The following DNER variants were observed in gnomAD, a reference collection of about 807,000 sequenced individuals.
DNER encodes delta and Notch-like epidermal growth factor-related receptor.
DNER carries 33 observed loss-of-function variants against 78.2 expected under a neutral mutation model. The ratio of observed to expected loss-of-function variants is 0.42; its 90% CI spans 0.32 to 0.56. DNER has a LOEUF of 0.56. Among genes scored for constraint, DNER ranks in the 20% least tolerant of loss-of-function variants. The pLI, the probability that DNER is intolerant of heterozygous loss-of-function variation, is 0.11. For missense variants in DNER, 918 were observed against 975.3 expected, an observed-to-expected ratio of 0.94 and a Z score of 0.78; for synonymous variants, 417 against 384.8, an observed-to-expected ratio of 1.08 and a Z score of -0.98.
intron 1 of DNER, among the ~76,000 whole-genome samples, chr2:229,641,706 A>T (rs1458793557): frequency 6.6e-6 from 1 of 152,230 alleles, no homozygotes; most frequent in Non-Finnish European, 1.5e-5. Flanking sequence ...GCTAATGAAT[A>T]GACTTCCAAG....
At chr2:229,625,336 C>T (rs1304217649) in intron 1 of DNER, among the ~76,000 whole-genome samples, 1 of 152,162 alleles carries the variant, frequency 6.6e-6, no homozygotes, top group Non-Finnish European at 1.5e-5. Context: ...CACACTTTCC[C>T]TTCTGACACC....
At chr2:229,504,097 C>T (rs1446132932) in intron 6 of DNER, among the ~76,000 whole-genome samples, 2 of 152,106 alleles carry the variant, frequency 1.3e-5, no homozygotes, top group African/African-American at 4.8e-5. Context: ...CAGGAGATGG[C>T]CTGTGGTGAC....
intron 5 of DNER, among the ~76,000 whole-genome samples, chr2:229,514,627 AAT>A (rs762508425): frequency 1.3e-5 from 2 of 152,230 alleles, no homozygotes; most frequent in Non-Finnish European, 2.9e-5. Context: ...AAATGGTTTT[AAT>A]ATGGCTGGCT....
rs180858962 is a variant in DNER, at chr2:229,393,420, C to T, written c.1724-5024G>A. Among the ~76,000 whole-genome samples, 74 of 150,034 alleles carry T rather than the reference C, an allele frequency of 4.9e-4. 1 individual carries two copies. Among genetic ancestry groups the T allele is most frequent in the African/African-American group, 1.3e-3 (51 of 40,616 alleles). On this transcript the variant is annotated intron_variant, in intron 10 of 12. Coordinates refer to ENST00000341772, the MANE Select transcript of DNER (RefSeq NM_139072.4). ...CAGCCTGGGTGACAGAGTGAGACTCCGTCTCAAAAAAAATAAAAATAAAAA... is the reference window on the plus strand; with the variant it reads ...CAGCCTGGGTGACAGAGTGAGACTCTGTCTCAAAAAAAATAAAAATAAAAA...
At chr2:229,572,394 G>A (rs56807382) in intron 4 of DNER, among the ~76,000 whole-genome samples, 9 of 152,122 alleles carry the variant, frequency 5.9e-5, no homozygotes, top group Non-Finnish European at 8.8e-5. Flanking sequence ...AATCATTAAC[G>A]TCTAACTAGA....
chr2:229,440,230 T>C (rs1338755162), intron 8 of DNER, among the ~76,000 whole-genome samples: 1 of 152,210 alleles, frequency 6.6e-6, no homozygotes, highest in African/African-American at 2.4e-5. Flanking sequence ...TATCACGAAT[T>C]CTACCTGAAT....
intron 1 of DNER, among the ~76,000 whole-genome samples, chr2:229,630,678 C>T (rs1471640243): frequency 6.6e-6 from 1 of 151,842 alleles, no homozygotes; most frequent in East Asian, 1.9e-4. Flanking sequence ...GGTACATGTG[C>T]AGGTTTGTTA....
chr2:229,570,199 T>C (rs1697190314), intron 4 of DNER, among the ~76,000 whole-genome samples: 1 of 152,224 alleles, frequency 6.6e-6, no homozygotes, highest in Non-Finnish European at 1.5e-5. Context: ...TCAGTAAACA[T>C]TTATTGCATA....
In DNER at chr2:229,698,972, A is replaced by C. The variant is rs1699703001; in HGVS notation, c.276+15176T>G. Among the ~76,000 whole-genome samples, 3 of 152,230 alleles carry C rather than the reference A, an allele frequency of 2.0e-5. No individual in the cohort carries two copies. In the South Asian group the frequency reaches 6.2e-4, roughly 31 times the overall value. On this transcript the variant is annotated intron_variant, in intron 1 of 12. Transcript: ENST00000341772. Reference sequence around the variant, plus strand: ...GTCAGGAGAAATAAGGCTGTTCTCAAGGGGAAAGGAGCTAAAAATACAATA... The same window carrying C: ...GTCAGGAGAAATAAGGCTGTTCTCACGGGGAAAGGAGCTAAAAATACAATA...
At chr2:229,600,750 C>T (rs978240178) in intron 1 of DNER, among the ~76,000 whole-genome samples, 6 of 152,180 alleles carry the variant, frequency 3.9e-5, no homozygotes, top group Admixed American at 1.3e-4. Flanking sequence ...TCTACCTTTC[C>T]ATCCATCAGC....
At chr2:229,611,944 A>G (rs934587795) in intron 1 of DNER, among the ~76,000 whole-genome samples, 3 of 152,196 alleles carry the variant, frequency 2.0e-5, no homozygotes, top group Admixed American at 1.3e-4. Flanking sequence ...AGGAGTGTGA[A>G]GCTTTTGCAT....
At chr2:229,611,844 T>A (rs1461946573) in intron 1 of DNER, among the ~76,000 whole-genome samples, 1 of 152,184 alleles carries the variant, frequency 6.6e-6, no homozygotes, top group Non-Finnish European at 1.5e-5. Context: ...CTTGAAACCT[T>A]CGTCACACAG....
At chr2:229,493,999 A>C (rs988794911) in intron 6 of DNER, among the ~76,000 whole-genome samples, 1 of 152,222 alleles carries the variant, frequency 6.6e-6, no homozygotes, top group East Asian at 1.9e-4. Flanking sequence ...CTTCGGGTTC[A>C]TATAACTTCG....
intron 5 of DNER, among the ~76,000 whole-genome samples, chr2:229,541,730 G>A (rs1311634826): frequency 6.6e-6 from 1 of 151,728 alleles, no homozygotes; most frequent in Non-Finnish European, 1.5e-5. Context: ...GACAGCTTTT[G>A]GACTCAAACT....
rs1480701057 is a variant in DNER, at chr2:229,588,440, C to T, written c.634G>A (p.Gly212Ser). The change falls in exon 3 of 13, where the codon GGT becomes AGT. Residue 212 changes from glycine (G) to serine (S), a missense_variant. Coordinates refer to ENST00000341772, the MANE Select transcript of DNER (RefSeq NM_139072.4). The part of the protein sequence containing the change: ...CGNASSNSSA[G>S]GRLVSFEVPQ... The stretch of plus-strand genomic sequence containing the variant: ...ACTTCAAAGGATACCAGGCGGCCAC[C>T]CGCAGAGCTGTTAGAACTGGCATTC... 6.2e-7 allele frequency: 1 copy of T among 1,613,978 alleles called. No homozygotes were observed. The highest frequency in any genetic ancestry group is 1.1e-5 in the South Asian group (1 of 91,050).
chr2:229,413,812 C>T (rs1693583646), intron 9 of DNER, among the ~76,000 whole-genome samples: 1 of 150,822 alleles, frequency 6.6e-6, no homozygotes, highest in Admixed American at 6.6e-5. Flanking sequence ...CAATATTAAG[C>T]AGTAAAAATT....
intron 1 of DNER, among the ~76,000 whole-genome samples, chr2:229,675,695 C>T (rs1265280710): frequency 4.6e-5 from 7 of 152,190 alleles, no homozygotes; most frequent in Non-Finnish European, 5.9e-5. Context: ...CCCACAGGCT[C>T]CCGTTCTGGC....
intron 11 of DNER, among the ~76,000 whole-genome samples, chr2:229,383,322 A>T (rs184073596): frequency 6.6e-6 from 1 of 152,382 alleles, no homozygotes; most frequent in East Asian, 1.9e-4. Flanking sequence ...CAAATTGTAA[A>T]GACAATTGAC....
intron 10 of DNER, among the ~76,000 whole-genome samples, chr2:229,392,309 C>G (rs1693033429): frequency 6.7e-6 from 1 of 149,512 alleles, no homozygotes; most frequent in African/African-American, 2.5e-5. Flanking sequence ...CATTGGACAA[C>G]AGGAAGTCCA....
Sources: gnomAD v4.1 joint callset for allele counts (sites outside exome capture counted in the v4.1 genomes callset) on GRCh38, gnomAD v4.1.1 for gene constraint, MANE v1.5 for transcripts, NCBI Gene and HGNC (gene_info 2026-07-23, HGNC 2026-07-21) for gene names.